CADM2: variants seen among roughly 807,000 people sequenced by gnomAD.
CADM2 encodes immunoglobulin superfamily member 4D.
A neutral mutation model predicts 49.8 loss-of-function variants in CADM2; 12 were observed. That is an observed-to-expected ratio of 0.24 (90% CI 0.15 to 0.39). CADM2 has a LOEUF of 0.39. Ranked by LOEUF, CADM2 falls within the 10% of genes least tolerant of loss-of-function variation. CADM2 has a pLI of 1.00. For synonymous variants in CADM2, 214 were observed against 175.4 expected (o/e 1.22, Z -1.74); for missense variants, 378 against 492.3 (o/e 0.77, Z 2.20).
intron 1 of CADM2, among the ~76,000 whole-genome samples, chr3:85,364,492 T>A (rs2032598674): frequency 6.6e-6 from 1 of 152,170 alleles, no homozygotes; most frequent in African/African-American, 2.4e-5. Flanking sequence ...ACATAAGAGC[T>A]CGTTATTAGT....
intron 1 of CADM2, among the ~76,000 whole-genome samples, chr3:85,716,215 G>A (rs935075671): frequency 1.2e-4 from 18 of 152,156 alleles, no homozygotes; most frequent in Non-Finnish European, 2.2e-4. Flanking sequence ...CCATGAGATG[G>A]TATCTTATTG....
chr3:85,906,146 C>A (rs1716778135), intron 5 of CADM2, among the ~76,000 whole-genome samples: 1 of 152,038 alleles, frequency 6.6e-6, no homozygotes, highest in Non-Finnish European at 1.5e-5. Flanking sequence ...TAATTTTCTG[C>A]CATATGTTAT....
intron 1 of CADM2, among the ~76,000 whole-genome samples, chr3:85,232,075 A>T (rs975423967): frequency 2.0e-5 from 3 of 151,862 alleles, no homozygotes; most frequent in African/African-American, 7.2e-5. Flanking sequence ...ACATCTAATC[A>T]GATTCTCAGT....
intron 1 of CADM2, among the ~76,000 whole-genome samples, chr3:85,013,029 A>T (rs987228693): frequency 4.0e-5 from 6 of 151,868 alleles, no homozygotes; most frequent in African/African-American, 1.4e-4. Flanking sequence ...AAGCATTGAT[A>T]TATTAATGAA....
intron 9 of CADM2, among the ~76,000 whole-genome samples, chr3:86,066,354 A>AAAAAAAAAAAAAAAAAAAC: frequency 6.6e-6 from 1 of 150,426 alleles, no homozygotes; most frequent in African/African-American, 2.5e-5. Context: ...AAAAAAAAAA[A>AAAAAAAAAAAAAAAAAAAC]AAAAGATCTT....
intron 3 of CADM2, among the ~76,000 whole-genome samples, chr3:85,881,232 C>T (rs1001482794): frequency 2.6e-5 from 4 of 151,820 alleles, no homozygotes; most frequent in Non-Finnish European, 5.9e-5. Context: ...ATTTTTATTT[C>T]TGTAACGTCC....
At chr3:85,513,875 T>C (rs540494548) in intron 1 of CADM2, among the ~76,000 whole-genome samples, 1 of 152,170 alleles carries the variant, frequency 6.6e-6, no homozygotes, top group East Asian at 1.9e-4. Context: ...TTTCTTGATA[T>C]TCAACATACA....
intron 1 of CADM2, among the ~76,000 whole-genome samples, chr3:85,708,731 C>A (rs2067023807): frequency 6.6e-6 from 1 of 152,120 alleles, no homozygotes; most frequent in Non-Finnish European, 1.5e-5. Flanking sequence ...TTAACATTGA[C>A]TATACAACAC....
intron 8 of CADM2, chr3:85,979,335 G>C: frequency 6.4e-7 from 1 of 1,572,038 alleles, no homozygotes; most frequent in Non-Finnish European, 8.6e-7. Context: ...CTGGAGCTCT[G>C]TAGAAGTTTT....
chr3:85,026,693 A>C (rs2034743333), intron 1 of CADM2, among the ~76,000 whole-genome samples: 1 of 152,196 alleles, frequency 6.6e-6, no homozygotes, highest in African/African-American at 2.4e-5. Context: ...ACATGAAAAC[A>C]TCCTTAATTG....
chr3:85,359,667 T>TATATATATATA (rs1491224693), intron 1 of CADM2, among the ~76,000 whole-genome samples: 23 of 16,470 alleles, frequency 1.4e-3, no homozygotes, highest in African/African-American at 4.1e-3. Flanking sequence ...TATATATATA[T>TATATATATATA]TTTTTTTTTT....
At chr3:85,443,019 C>G (rs1266297849) in intron 1 of CADM2, among the ~76,000 whole-genome samples, 2 of 151,792 alleles carry the variant, frequency 1.3e-5, no homozygotes, top group Non-Finnish European at 2.9e-5. Context: ...TGGTAACTGC[C>G]TAAGTTATTT....
At position 86,028,715 on chromosome 3, in the gene CADM2, A is replaced by T. The variant is rs1734216940; in HGVS notation, c.971-36890A>T. Among the ~76,000 whole-genome samples the T allele has an allele frequency of 5.3e-5, 8 of 152,162 alleles. No individual in the cohort carries two copies. In the South Asian group the frequency reaches 1.7e-3, roughly 31 times the overall value. On this transcript the variant is annotated intron_variant, in intron 8 of 9. Coordinates refer to ENST00000383699, the MANE Select transcript of CADM2 (RefSeq NM_001167675.2). ...TTTAAAGGAAAGGCCATCACCTTTGAAGCCTGACATGGCTGGATTACAATC... is the reference window on the plus strand; with the variant it reads ...TTTAAAGGAAAGGCCATCACCTTTGTAGCCTGACATGGCTGGATTACAATC...
chr3:85,891,139 T>C (rs1167897856), intron 5 of CADM2, among the ~76,000 whole-genome samples: 1 of 152,178 alleles, frequency 6.6e-6, no homozygotes, highest in Non-Finnish European at 1.5e-5. Context: ...TGGGCAGAGC[T>C]GCATCCAAAA....
intron 6 of CADM2, among the ~76,000 whole-genome samples, chr3:85,914,016 A>G (rs1474728152): frequency 6.6e-6 from 1 of 152,142 alleles, no homozygotes; most frequent in African/African-American, 2.4e-5. Flanking sequence ...GAGAATTGCC[A>G]GGTGAACTAG....
At chr3:85,589,505 C>A (rs1035165741) in intron 1 of CADM2, among the ~76,000 whole-genome samples, 2 of 151,966 alleles carry the variant, frequency 1.3e-5, no homozygotes, top group Non-Finnish European at 2.9e-5. Context: ...TCATAGGTAC[C>A]AGATTCCATG....
rs962264111 is a variant in CADM2, at chr3:85,344,641, A to AT, written c.62-381871dup. 9.2e-3 allele frequency among the ~76,000 whole-genome samples: 1,361 copies of AT among 148,362 alleles called. 18 individuals are homozygous for AT. The highest frequency in any genetic ancestry group is 0.032 in the African/African-American group (1,286 of 40,582). On this transcript the variant is annotated intron_variant, in intron 1 of 9. Coordinates refer to ENST00000383699, the MANE Select transcript of CADM2 (RefSeq NM_001167675.2). ...CAATTCATAGCCAAACATCTTCTCT[A>AT]TTTTTTTTTTGGTAAAATGTCATTT...
chr3:85,224,067 T>C (rs1035755278), intron 1 of CADM2, among the ~76,000 whole-genome samples: 6 of 152,154 alleles, frequency 3.9e-5, no homozygotes, highest in Admixed American at 1.3e-4. Context: ...TACATATACA[T>C]GTGCACGTAT....
chr3:85,062,808 G>T (rs1319079199), intron 1 of CADM2, among the ~76,000 whole-genome samples: 1 of 151,824 alleles, frequency 6.6e-6, no homozygotes. Context: ...TTATACTAGT[G>T]TTCATTATGG....
Sources: allele counts gnomAD v4.1 joint callset (sites outside exome capture counted in the v4.1 genomes callset), GRCh38; gene constraint gnomAD v4.1.1; transcripts MANE v1.5; gene names NCBI Gene and HGNC (gene_info 2026-07-23, HGNC 2026-07-21).